TRPM2: variants seen among roughly 807,000 people sequenced by gnomAD.
TRPM2 encodes the protein transient receptor potential cation channel subfamily M member 2, also known as estrogen-responsive element-associated gene 1 protein.
TRPM2 carries 161 observed loss-of-function variants against 174.0 expected under a neutral mutation model. The observed-to-expected ratio is 0.93, with a 90% CI of 0.81 to 1.05. The LOEUF is 1.05. Among genes scored for constraint, TRPM2 ranks in the 50% least tolerant of loss-of-function variants. The pLI is 0.00. For missense variants in TRPM2, 2,057 were observed against 2,038.0 expected (o/e 1.01, Z -0.18); for synonymous variants, 954 against 861.3 (o/e 1.11, Z -1.88).
Position 44,391,393 on chromosome 21 carries a change from A to G in TRPM2, c.1562A>G (p.Tyr521Cys). 1.2e-6 allele frequency: 2 copies of G among 1,614,078 alleles called. No individual in the cohort carries two copies. The highest frequency in any genetic ancestry group is 3.3e-4 in the Middle Eastern group (2 of 6,062). The change falls in exon 11 of 32, where the codon TAC becomes TGC. Residue 521 changes from tyrosine to cysteine, a missense_variant. Transcript: ENST00000397928. The surrounding 1 kb of genome is among the most constrained non-coding windows in gnomAD (Gnocchi z 5.0). ...TTTGTCACCTGGGACACCTTGCTCT[A>G]CCTGTACGAGAACCTGGACCCCTCC... ...KEFVTWDTLL[Y>C]LYENLDPSCL...
intron 5 of TRPM2, 79 bp from the exon 6 acceptor site, chr21:44,375,754 A>C (rs2048678128): frequency 6.8e-7 from 1 of 1,475,364 alleles, no homozygotes; most frequent in Admixed American, 2.2e-5. Context: ...GGTCTCTGTG[A>C]GGGCCGGTGT....
chr21:44,392,839 G>A (rs993325557), intron 11 of TRPM2, among the ~76,000 whole-genome samples: 5 of 152,084 alleles, frequency 3.3e-5, no homozygotes, highest in African/African-American at 9.7e-5. Flanking sequence ...GGTTTTTTCC[G>A]ACAGTCAGGT....
Position 44,391,400 on chromosome 21 carries a change from C to G in TRPM2, c.1569C>G (p.Tyr523Ter). Residue 523 changes from tyrosine to a stop codon, truncating the protein, a stop_gained, in exon 11 of 32, where the codon TAC becomes TAG. Coordinates refer to ENST00000397928, the MANE Select transcript of TRPM2 (RefSeq NM_003307.4). LOFTEE classifies it high-confidence loss of function. The surrounding 1 kb of genome is among the most constrained non-coding windows in gnomAD (Gnocchi z 5.0). ...CCTGGGACACCTTGCTCTACCTGTA[C>G]GAGAACCTGGACCCCTCCTGCCTGT... ...FVTWDTLLYLYENLDPSCLFH... is the reference protein window; with the variant it reads ...FVTWDTLLYL 3 of 1,614,134 alleles carry G rather than the reference C, an allele frequency of 1.9e-6. No individual in the cohort carries two copies. Among genetic ancestry groups the G allele is most frequent in the Non-Finnish European group, 2.5e-6 (3 of 1,180,046 alleles).
intron 19 of TRPM2, among the ~76,000 whole-genome samples, chr21:44,407,248 G>A (rs73375986): frequency 1.5e-4 from 21 of 141,600 alleles, no homozygotes; most frequent in African/African-American, 5.6e-4. Context: ...CCACCCGTCT[G>A]CTGAGTAGCT....
chr21:44,399,654 C>T lies in TRPM2; in HGVS notation c.2208+213C>T, dbSNP rs572930741. 3.3e-5 allele frequency among the ~76,000 whole-genome samples: 5 copies of T among 152,342 alleles called. No individual in the cohort carries two copies. Among genetic ancestry groups the T allele is most frequent in the Admixed American group, 2.6e-4 (4 of 15,306 alleles). ...AGCTAACATGAAGCAAAAGCAGGAG[C>T]TGGTGGCCATGGAGATCGCAATTCA... On this transcript the variant is annotated intron_variant, in intron 14 of 31. Coordinates refer to ENST00000397928, the MANE Select transcript of TRPM2 (RefSeq NM_003307.4). This position sits in a 1 kb window ranked among gnomAD's most constrained non-coding sequence, Gnocchi z 4.6.
Position 44,418,688 on chromosome 21 carries a change from G to A in TRPM2, c.3461+133G>A, listed in dbSNP as rs1000849236. Reference sequence around the variant, plus strand: ...CACCGGTGAGGGAGCGCTGTATCCCGTGGCCCCTGCAATGCTGCAGGCATC... The same window carrying A: ...CACCGGTGAGGGAGCGCTGTATCCCATGGCCCCTGCAATGCTGCAGGCATC... On this transcript the variant is annotated intron_variant, in intron 22 of 31. Coordinates refer to ENST00000397928, the MANE Select transcript of TRPM2 (RefSeq NM_003307.4). 19 of 1,189,198 alleles carry A rather than the reference G, an allele frequency of 1.6e-5. No homozygotes were observed. In the East Asian group the frequency reaches 4.0e-4, roughly 25 times the overall value. The allele number at this position is 1,189,198 out of a possible 1,614,324, so 73.7% of individuals were successfully genotyped here.
At position 44,406,048 on chromosome 21, in the gene TRPM2, G is replaced by C. The variant is rs368552431; in HGVS notation, c.2790+11G>C. Reference sequence around the variant, plus strand: ...ATTGTGAAGCGGATGGTAAGGGGGCGGGGGCACCGGCTCCATCGCGGCCTG... The same window carrying C: ...ATTGTGAAGCGGATGGTAAGGGGGCCGGGGCACCGGCTCCATCGCGGCCTG... On this transcript the variant is annotated intron_variant, in intron 18 of 31. Transcript: ENST00000397928. 1 of 1,603,156 alleles carries C rather than the reference G, an allele frequency of 6.2e-7. No homozygotes were observed. The highest frequency in any genetic ancestry group is 8.5e-7 in the Non-Finnish European group (1 of 1,179,376).
chr21:44,359,738 T>C (rs527493989), intron 2 of TRPM2, among the ~76,000 whole-genome samples: 23 of 141,504 alleles, frequency 1.6e-4, no homozygotes, highest in Non-Finnish European at 3.3e-4. Flanking sequence ...TATACACATA[T>C]ATATGTATAT....
At chr21:44,440,484 CTGTTA>C (rs2051459549) in intron 30 of TRPM2, among the ~76,000 whole-genome samples, 1 of 152,154 alleles carries the variant, frequency 6.6e-6, no homozygotes, top group Non-Finnish European at 1.5e-5. Context: ...TTCTGGGTGT[CTGTTA>C]TGAGTGGACT....
At chr21:44,416,148 C>T (rs1204744428) in intron 20 of TRPM2, 2 of 152,364 alleles carry the variant, frequency 1.3e-5, no homozygotes, top group African/African-American at 4.8e-5. Context: ...CAGAAAGCCT[C>T]CCAGGCCCTC....
chr21:44,375,263 G>A (rs1381104284), intron 5 of TRPM2, among the ~76,000 whole-genome samples: 1 of 152,188 alleles, frequency 6.6e-6, no homozygotes, highest in Non-Finnish European at 1.5e-5. Flanking sequence ...AGGACGTTGA[G>A]ACGTTTTCCA....
chr21:44,437,004 G>A (rs934786808), intron 28 of TRPM2, 58 bp from the exon 29 acceptor site: 65 of 1,489,292 alleles, frequency 4.4e-5, no homozygotes, highest in Admixed American at 7.9e-5. Context: ...CCGCCGCGGC[G>A]CAGGGGAGGG....
chr21:44,409,021 C>T (rs2776378), intron 19 of TRPM2, among the ~76,000 whole-genome samples: 108,455 of 151,940 alleles, frequency 0.71, 39,118 homozygotes, highest in East Asian at 0.77. Context: ...ATTATTGAGT[C>T]GTAAGAGTTC....
At chr21:44,413,820 C>A (rs765143616) in intron 19 of TRPM2, 71 bp from the exon 20 acceptor site, 245 of 1,539,572 alleles carry the variant, frequency 1.6e-4, no homozygotes, top group Non-Finnish European at 2.1e-4. Flanking sequence ...GCCTCGAGGG[C>A]CCCCTCCTGC....
chr21:44,388,891 T>G (rs1373251802), intron 9 of TRPM2, among the ~76,000 whole-genome samples: 2 of 152,200 alleles, frequency 1.3e-5, no homozygotes, highest in Non-Finnish European at 2.9e-5. Flanking sequence ...ATGCTACACG[T>G]ATTTTACCAC....
At position 44,406,718 on chromosome 21, in the gene TRPM2, A is replaced by G; in HGVS notation, c.2915A>G (p.Tyr972Cys). ...GACTGGCTGTTCCGAGGGGCCGTCTACCACTCCTACCTCACCATCTTCGGG... is the reference window on the plus strand; with the variant it reads ...GACTGGCTGTTCCGAGGGGCCGTCTGCCACTCCTACCTCACCATCTTCGGG... ...RVDWLFRGAV[Y>C]HSYLTIFGQI... Residue 972 changes from tyrosine (Y) to cysteine (C), a missense_variant, in exon 19 of 32, where the codon TAC becomes TGC. Physicochemically the swap from Tyr to Cys is radical, Grantham distance 194. Transcript: ENST00000397928. 6.2e-7 allele frequency: 1 copy of G among 1,608,196 alleles called. No individual in the cohort carries two copies. The highest frequency in any genetic ancestry group is 8.5e-7 in the Non-Finnish European group (1 of 1,178,946).
chr21:44,413,144 T>C lies in TRPM2; in HGVS notation c.2963-747T>C, dbSNP rs770569538. Among the ~76,000 whole-genome samples the C allele has an allele frequency of 3.3e-5, 5 of 152,056 alleles. No individual in the cohort carries two copies. The East Asian group carries it at 9.6e-4, about 29-fold the overall frequency. ...ATCACCCGTTTCACTTGTCGATACA[T>C]TGCCTCTGCAACATCTTCCCTTTTC... is the stretch of plus-strand genomic sequence containing the variant. On this transcript the variant is annotated intron_variant, in intron 19 of 31. Transcript: ENST00000397928.
upstream of TRPM2, among the ~76,000 whole-genome samples, chr21:44,351,538 T>C (rs2047925864): frequency 6.6e-6 from 1 of 152,246 alleles, no homozygotes; most frequent in African/African-American, 2.4e-5. Context: ...GTGGAGAATT[T>C]TAGCTGTGAA....
chr21:44,407,191 G>T, intron 19 of TRPM2, among the ~76,000 whole-genome samples: 1 of 7,724 alleles, frequency 1.3e-4, no homozygotes. Context: ...CTGTCACCCA[G>T]GCTGGAGTGC....
Sources: gnomAD v4.1 joint callset for allele counts (sites outside exome capture counted in the v4.1 genomes callset) on GRCh38, gnomAD v4.1.1 for gene constraint, Gnocchi (gnomAD v3.1) non-coding constraint, MANE v1.5 for transcripts, NCBI Gene and HGNC (gene_info 2026-07-23, HGNC 2026-07-21) for gene names.